The following RASSF4 variants were observed in gnomAD, a reference collection of about 807,000 sequenced individuals.
RASSF4 encodes the protein ras association domain-containing protein 4.
RASSF4 carries 38 observed loss-of-function variants against 41.1 expected under a neutral mutation model. That is an observed-to-expected ratio of 0.92 (90% CI 0.71 to 1.21). RASSF4 has a LOEUF of 1.21. Ranked by LOEUF, RASSF4 falls within the 50% of genes most tolerant of loss-of-function variation. The probability of loss-of-function intolerance (pLI) is 0.00; values close to 1 mark genes in which losing one functional copy is unlikely to be tolerated. For synonymous variants in RASSF4, 179 were observed against 163.4 expected, an observed-to-expected ratio of 1.10 and a Z score of -0.73; for missense variants, 414 against 419.4, an observed-to-expected ratio of 0.99 and a Z score of 0.11.
rs1841823679 is a variant in RASSF4 at position 44,984,062 on chromosome 10, G to C, written c.322G>C (p.Gly108Arg). ...CCAGAACGGGAACATCACAGCCCAG[G>C]GGCCAAGCATTCAGCCAGTGCACAA... ...SPQNGNITAQGPSIQPVHKAE... is the reference protein window; with the variant it reads ...SPQNGNITAQRPSIQPVHKAE... The change falls in exon 5 of 11, where the codon GGG (glycine) becomes CGG (arginine). Residue 108 changes from glycine to arginine, a missense_variant. Gly to Arg is a moderately radical substitution (Grantham distance 125, BLOSUM62 -2). Coordinates refer to ENST00000340258, the MANE Select transcript of RASSF4 (RefSeq NM_032023.4). The C allele has an allele frequency of 6.2e-7, 1 of 1,607,190 alleles. No homozygotes were observed.
chr10:44,971,853 G>T lies in RASSF4; in HGVS notation c.138+5G>T. On this transcript the variant is annotated splice_donor_5th_base_variant and intron_variant, in intron 3 of 10. Transcript: ENST00000340258. The stretch of plus-strand genomic sequence containing the variant: ...TTCCAGCTGAGACACCGTGAGGTGA[G>T]CCTGTTGCTCTTGTTCATGGGGTCA... 6.2e-7 allele frequency: 1 copy of T among 1,605,624 alleles called. No homozygotes were observed. Among genetic ancestry groups the T allele is most frequent in the Non-Finnish European group, 8.5e-7 (1 of 1,173,526 alleles).
intron 3 of RASSF4, chr10:44,976,976 G>C (rs533766898): frequency 2.3e-4 from 37 of 159,564 alleles, no homozygotes; most frequent in South Asian, 6.0e-4. Context: ...CTGGGGGGCT[G>C]ACACCCCCAC....
intron 3 of RASSF4, chr10:44,977,908 C>A: frequency 6.2e-7 from 1 of 1,612,738 alleles, no homozygotes; most frequent in South Asian, 1.1e-5. Flanking sequence ...ATATAGACCT[C>A]ACGTAGTCAT....
intron 3 of RASSF4, among the ~76,000 whole-genome samples, chr10:44,980,073 G>A (rs183314559): frequency 6.6e-6 from 1 of 152,164 alleles, no homozygotes; most frequent in East Asian, 1.9e-4. Flanking sequence ...TGCTGCAGGT[G>A]GGGGAGAAAG....
At chr10:44,969,437 C>G (rs865904276) in intron 1 of RASSF4, among the ~76,000 whole-genome samples, 30 of 151,950 alleles carry the variant, frequency 2.0e-4, no homozygotes, top group African/African-American at 6.8e-4. Context: ...GTTGCACAGA[C>G]GAGGAAAGGA....
In RASSF4 at chr10:44,995,696, A is replaced by G. The variant is rs1227963827; in HGVS notation, c.*2367A>G. Reference sequence around the variant, plus strand: ...AATCAACATCATATTTGCTGTTCAGAGGCAATCTGAAAAGCTGCAAATTCA... The same window carrying G: ...AATCAACATCATATTTGCTGTTCAGGGGCAATCTGAAAAGCTGCAAATTCA... On this transcript the variant is annotated 3_prime_UTR_variant, in exon 11 of 11. Coordinates refer to ENST00000340258, the MANE Select transcript of RASSF4 (RefSeq NM_032023.4). The G allele has an allele frequency of 1.3e-5, 2 of 152,132 alleles. No individual in the cohort carries two copies. Among genetic ancestry groups the G allele is most frequent in the Admixed American group, 6.5e-5 (1 of 15,272 alleles). The allele number at this position is 152,132 out of a possible 1,614,324, so 9.4% of individuals were successfully genotyped here. A position where few individuals can be genotyped will look rare whatever the true frequency, so the allele number is the denominator to read the frequency against.
At chr10:44,969,071 T>C (rs544129421) in intron 1 of RASSF4, among the ~76,000 whole-genome samples, 1 of 149,220 alleles carries the variant, frequency 6.7e-6, no homozygotes, top group African/African-American at 2.5e-5. Flanking sequence ...AGTGTGAATG[T>C]ATGTGTGTGT....
intron 6 of RASSF4, among the ~76,000 whole-genome samples, chr10:44,985,367 C>T (rs1564465196): frequency 6.6e-6 from 1 of 152,192 alleles, no homozygotes; most frequent in Non-Finnish European, 1.5e-5. Flanking sequence ...TGTCTGTGCC[C>T]CAGAGAACCT....
At chr10:44,990,801 A>C (rs1564468683) in intron 8 of RASSF4, 147 bp from the exon 9 acceptor site, 3 of 684,500 alleles carry the variant, frequency 4.4e-6, no homozygotes, top group Non-Finnish European at 7.2e-6. Flanking sequence ...CATGAGCAGG[A>C]ATCTCTCAGG....
intron 8 of RASSF4, among the ~76,000 whole-genome samples, chr10:44,990,365 CT>C (rs1842064397): frequency 1.3e-5 from 2 of 152,194 alleles, no homozygotes; most frequent in Admixed American, 1.3e-4. Flanking sequence ...CATGCATGCC[CT>C]TTGGAATATC....
intron 5 of RASSF4, 56 bp from the exon 6 acceptor site, chr10:44,984,757 C>A (rs1841851903): frequency 6.3e-7 from 1 of 1,590,660 alleles, no homozygotes; most frequent in Non-Finnish European, 8.6e-7. Context: ...CGACAGCAGG[C>A]AGTTGCTCTG....
chr10:44,982,975 A>G (rs1655584674), intron 4 of RASSF4: 2 of 630,356 alleles, frequency 3.2e-6, no homozygotes, highest in Non-Finnish European at 6.1e-6. Flanking sequence ...CAAGCCGAAC[A>G]TGTCTCGCCA....
Position 44,994,719 on chromosome 10 carries a change from T to A in RASSF4, c.*1390T>A, listed in dbSNP as rs530547014. 4 of 149,806 alleles carry A rather than the reference T, an allele frequency of 2.7e-5. No individual in the cohort carries two copies. The highest frequency in any genetic ancestry group is 5.9e-5 in the Non-Finnish European group (4 of 67,816). The allele number at this position is 149,806 out of a possible 1,614,324, so 9.3% of individuals were successfully genotyped here. A position where few individuals can be genotyped will look rare whatever the true frequency, so the allele number is the denominator to read the frequency against. ...GGTGTGCTGTATTGAACTGAAGAAGTGAGAACCAAGCTTTTTTTTTTTTTT... is the reference window on the plus strand; with the variant it reads ...GGTGTGCTGTATTGAACTGAAGAAGAGAGAACCAAGCTTTTTTTTTTTTTT... On this transcript the variant is annotated 3_prime_UTR_variant, in exon 11 of 11. Transcript: ENST00000340258.
At chr10:44,978,307 A>C in intron 3 of RASSF4, 1 of 397,356 alleles carries the variant, frequency 2.5e-6, no homozygotes, top group Non-Finnish European at 4.5e-6. Flanking sequence ...CCTAACAAAC[A>C]CTGGTCAGAG....
rs553188990 is a variant in RASSF4 at position 44,993,636 on chromosome 10, G to A, written c.*307G>A. On this transcript the variant is annotated 3_prime_UTR_variant, in exon 11 of 11. Coordinates refer to ENST00000340258, the MANE Select transcript of RASSF4 (RefSeq NM_032023.4). ...AGAGCAGTGCTGGCCCAGCCCCTGC[G>A]GCTTAGGCTTCATCTGCTTGCACAT... 3.1e-4 allele frequency: 108 copies of A among 345,772 alleles called. No individual in the cohort carries two copies. The highest frequency in any genetic ancestry group is 1.5e-3 in the East Asian group (32 of 22,024). The allele number at this position is 345,772 out of a possible 1,614,324, so 21.4% of individuals were successfully genotyped here. A position where few individuals can be genotyped will look rare whatever the true frequency, so the allele number is the denominator to read the frequency against.
At chr10:44,975,530 T>G (rs1453368070) in intron 3 of RASSF4, among the ~76,000 whole-genome samples, 1 of 63,050 alleles carries the variant, frequency 1.6e-5, no homozygotes, top group East Asian at 6.1e-4. Flanking sequence ...CCAGCCCCAC[T>G]CCCCTCTCCA....
chr10:44,961,489 G>A (rs1299525342), intron 1 of RASSF4, among the ~76,000 whole-genome samples: 1 of 152,230 alleles, frequency 6.6e-6, no homozygotes, highest in Admixed American at 6.5e-5. Flanking sequence ...CCTGGGGTCT[G>A]GGGCCTGGTT....
chr10:44,971,548 C>T (rs754352587), intron 2 of RASSF4: 22 of 671,978 alleles, frequency 3.3e-5, no homozygotes, highest in East Asian at 1.7e-4. Flanking sequence ...CCGTGAGTCT[C>T]GCCTCCTCCT....
chr10:44,971,115 C>T (rs1036147079), intron 2 of RASSF4: 22 of 248,394 alleles, frequency 8.9e-5, no homozygotes, highest in East Asian at 3.2e-4. Context: ...TCACATCCCA[C>T]GTCTGCTGGC....
Sources: gnomAD v4.1 joint callset for allele counts (sites outside exome capture counted in the v4.1 genomes callset) on GRCh38, gnomAD v4.1.1 for gene constraint, MANE v1.5 for transcripts, NCBI Gene and HGNC (gene_info 2026-07-23, HGNC 2026-07-21) for gene names.